The following ANO1 variants were observed in gnomAD, a reference collection of about 807,000 sequenced individuals.
ANO1 encodes the protein anoctamin 1, also known as anoctamin-1.
ANO1 carries 59 observed loss-of-function variants against 124.0 expected under a neutral mutation model. The ratio of observed to expected loss-of-function variants is 0.48; its 90% CI spans 0.39 to 0.59. ANO1 has a LOEUF of 0.59. Among genes scored for constraint, ANO1 ranks in the 20% least tolerant of loss-of-function variants. ANO1 has a pLI of 0.00. For missense variants in ANO1, 1,059 were observed against 1,328.0 expected, an observed-to-expected ratio of 0.80 and a Z score of 3.15; for synonymous variants, 529 against 532.0, an observed-to-expected ratio of 0.99 and a Z score of 0.08.
intron 4 of ANO1, 139 bp from the exon 5 acceptor site, chr11:70,105,595 A>T: frequency 1.3e-6 from 1 of 768,644 alleles, no homozygotes; most frequent in South Asian, 1.7e-5. Context: ...CGGACGGGTC[A>T]TACCTGGCGT....
At chr11:70,081,691 G>T (rs2044206248) in intron 1 of ANO1, among the ~76,000 whole-genome samples, 1 of 152,190 alleles carries the variant, frequency 6.6e-6, no homozygotes, top group South Asian at 2.1e-4. Flanking sequence ...CCAGAGCCCA[G>T]AGTCCCAGGA....
chr11:70,103,264 TAAAAAA>T, intron 3 of ANO1, 100 bp downstream of exon 3: 1 of 823,206 alleles, frequency 1.2e-6, no homozygotes. Context: ...CTGAGTTTTA[TAAAAAA>T]AAAACCCAGT....
chr11:70,084,360 A>G (rs1444389008), intron 1 of ANO1, among the ~76,000 whole-genome samples: 1 of 152,122 alleles, frequency 6.6e-6, no homozygotes, highest in African/African-American at 2.4e-5. Context: ...TTGAGGGGAA[A>G]GCGTATCTGC....
intron 1 of ANO1, among the ~76,000 whole-genome samples, chr11:69,998,519 G>A (rs1484727473): frequency 6.6e-6 from 1 of 152,166 alleles, no homozygotes; most frequent in Non-Finnish European, 1.5e-5. Flanking sequence ...GAAGATCCTG[G>A]GGCTGTTTCC....
chr11:70,022,619 A>G (rs1856828979), intron 1 of ANO1, among the ~76,000 whole-genome samples: 1 of 148,006 alleles, frequency 6.8e-6, no homozygotes, highest in Non-Finnish European at 1.5e-5. Context: ...AAAAAAAAAG[A>G]ATGCAAGAGT....
chr11:70,163,711 TG>T, intron 19 of ANO1: 1 of 481,738 alleles, frequency 2.1e-6, no homozygotes, highest in East Asian at 3.7e-5. Context: ...CCGAGACTCG[TG>T]GATCACCTGA....
At chr11:70,150,852 T>C (rs185362255) in intron 12 of ANO1, among the ~76,000 whole-genome samples, 2 of 152,366 alleles carry the variant, frequency 1.3e-5, no homozygotes, top group African/African-American at 4.8e-5. Flanking sequence ...GCCTTTTTTC[T>C]TTAAAAAAAA....
intron 1 of ANO1, among the ~76,000 whole-genome samples, chr11:70,083,871 A>G (rs1465673094): frequency 6.6e-6 from 1 of 152,192 alleles, no homozygotes; most frequent in East Asian, 1.9e-4. Context: ...TTGTGGGTAG[A>G]TGGCTCAGAG....
intron 1 of ANO1, among the ~76,000 whole-genome samples, chr11:70,082,571 T>G (rs2044234123): frequency 6.6e-6 from 1 of 152,182 alleles, no homozygotes. Context: ...AAAGAAAAGA[T>G]GAATAAGAAA....
At chr11:70,181,778 G>GAAA (rs537090488) in intron 23 of ANO1, among the ~76,000 whole-genome samples, 1 of 139,662 alleles carries the variant, frequency 7.2e-6, no homozygotes. Context: ...CTCTCTCTCT[G>GAAA]AAAAAAAAAA....
chr11:70,033,236 C>A (rs1857035328), intron 1 of ANO1, among the ~76,000 whole-genome samples: 3 of 152,130 alleles, frequency 2.0e-5, no homozygotes, highest in African/African-American at 7.2e-5. Flanking sequence ...GACAAGGAAG[C>A]TGAGACTTGG....
At chr11:70,005,617 A>G (rs1554999927) in intron 1 of ANO1, among the ~76,000 whole-genome samples, 2 of 152,218 alleles carry the variant, frequency 1.3e-5, no homozygotes, top group Admixed American at 1.3e-4. Flanking sequence ...TGAGGTTTCT[A>G]TAAATAAAGC....
rs187677166 is a variant in ANO1, at chr11:69,995,828, C to T, written c.58+9662C>T. On this transcript the variant is annotated intron_variant, in intron 1 of 27. Transcript: ENST00000531349. Reference sequence around the variant, plus strand: ...GTTTGAAGTACTGGAGATTTCAGGCCGGGCGCAGTGGCTCACGTCTGTAAT... The same window carrying T: ...GTTTGAAGTACTGGAGATTTCAGGCTGGGCGCAGTGGCTCACGTCTGTAAT... Among the ~76,000 whole-genome samples the T allele has an allele frequency of 2.8e-3, 420 of 152,228 alleles. 5 individuals are homozygous for T. Among genetic ancestry groups the T allele is most frequent in the African/African-American group, 9.6e-3 (399 of 41,526 alleles).
At chr11:70,059,970 T>C (rs1484718400) in intron 1 of ANO1, among the ~76,000 whole-genome samples, 2 of 148,046 alleles carry the variant, frequency 1.4e-5, no homozygotes, top group Non-Finnish European at 3.0e-5. Flanking sequence ...TTTTTTTTTT[T>C]TTTTTGCTGT....
intron 1 of ANO1, among the ~76,000 whole-genome samples, chr11:69,989,993 T>C (rs375690789): frequency 6.6e-6 from 1 of 152,212 alleles, no homozygotes; most frequent in East Asian, 1.9e-4. Flanking sequence ...AGATATTATA[T>C]ATACCATAAC....
At chr11:70,075,317 G>A (rs2044044416), upstream of ANO1, 1 of 152,186 alleles carries the variant, frequency 6.6e-6, no homozygotes, top group Admixed American at 6.5e-5. Flanking sequence ...TGCGCTCCTT[G>A]TCACCTGATG....
At chr11:70,045,887 G>T (rs1235548818) in intron 1 of ANO1, among the ~76,000 whole-genome samples, 1 of 152,178 alleles carries the variant, frequency 6.6e-6, no homozygotes, top group East Asian at 1.9e-4. Context: ...TTTGGGAACT[G>T]GACTTTAGAG....
intron 2 of ANO1, among the ~76,000 whole-genome samples, chr11:70,099,737 C>T (rs773113082): frequency 3.3e-5 from 5 of 152,166 alleles, no homozygotes; most frequent in Non-Finnish European, 7.4e-5. Flanking sequence ...ACCAGGGCTG[C>T]CAAGAGCACC....
intron 8 of ANO1, among the ~76,000 whole-genome samples, chr11:70,121,567 A>G (rs11234794): frequency 0.82 from 81,444 of 99,300 alleles, 32,761 homozygotes; most frequent in Middle Eastern, 0.89. Flanking sequence ...ACCTCTCTCT[A>G]TCTGTCTCTC....
Sources: gnomAD v4.1 joint callset for allele counts (sites outside exome capture counted in the v4.1 genomes callset) on GRCh38, gnomAD v4.1.1 for gene constraint, MANE v1.5 for transcripts, NCBI Gene and HGNC (gene_info 2026-07-23, HGNC 2026-07-21) for gene names.